The following CASK variants were observed in gnomAD, a reference collection of about 807,000 sequenced individuals.
CASK encodes the protein peripheral plasma membrane protein CASK.
Under a neutral mutation model 82.9 loss-of-function variants are expected in CASK, and 4 were observed. The ratio of observed to expected loss-of-function variants is 0.05; its 90% CI spans 0.02 to 0.11. The LOEUF (loss-of-function observed/expected upper bound fraction) is 0.11. Ranked by LOEUF, CASK falls within the 10% of genes least tolerant of loss-of-function variation. The pLI is 1.00. For missense variants in CASK, 358 were observed against 720.9 expected, an observed-to-expected ratio of 0.50 and a Z score of 5.76; for synonymous variants, 259 against 253.5, an observed-to-expected ratio of 1.02 and a Z score of -0.20.
At chrX:41,910,859 C>T (rs973278781) in intron 1 of CASK, among the ~76,000 whole-genome samples, 2 of 112,264 alleles carry the variant, frequency 1.8e-5, no homozygotes, top group African/African-American at 6.5e-5. Flanking sequence ...ATTACTTTCA[C>T]ATCCATAAGA....
rs892260288 is a variant in CASK at position 41,795,528 on chromosome X, C to T, written c.173-8245G>A. Among the ~76,000 whole-genome samples the T allele has an allele frequency of 6.4e-5, 7 of 110,226 alleles. No individual in the cohort carries two copies. In the Admixed American group the frequency reaches 6.8e-4, roughly 11 times the overall value. On this transcript the variant is annotated intron_variant, in intron 2 of 26. Coordinates refer to ENST00000378163, the MANE Select transcript of CASK (RefSeq NM_001367721.1). ...AAAAAATACAAAAATTAGCTGGGTGCGGTGACGTGTGCCTGTAGTCCCAGC... is the reference window on the plus strand; with the variant it reads ...AAAAAATACAAAAATTAGCTGGGTGTGGTGACGTGTGCCTGTAGTCCCAGC...
At chrX:41,778,685 C>G (rs1014277376) in intron 3 of CASK, among the ~76,000 whole-genome samples, 1 of 111,111 alleles carries the variant, frequency 9.0e-6, no homozygotes, top group Non-Finnish European at 1.9e-5. Context: ...ATCGGAGTGA[C>G]AATTTCAAAT....
chrX:41,867,739 G>T (rs1423604402), intron 1 of CASK, among the ~76,000 whole-genome samples: 3 of 112,076 alleles, frequency 2.7e-5, no homozygotes, highest in African/African-American at 9.7e-5. Context: ...TAATAGCAGA[G>T]AACTGAACCA....
chrX:41,662,748 G>A (rs1447246719), intron 7 of CASK, among the ~76,000 whole-genome samples: 2 of 110,874 alleles, frequency 1.8e-5, no homozygotes, highest in Admixed American at 1.9e-4. Context: ...AGCCAAGATC[G>A]TGCCACTGCA....
intron 5 of CASK, chrX:41,727,046 G>A (rs1159362833): frequency 8.6e-7 from 1 of 1,157,222 alleles, no homozygotes; most frequent in Non-Finnish European, 1.2e-6. Flanking sequence ...AATACAACAT[G>A]TATTCAACCA....
At chrX:41,627,126 A>G (rs1180370766) in intron 9 of CASK, among the ~76,000 whole-genome samples, 1 of 112,446 alleles carries the variant, frequency 8.9e-6, no homozygotes, top group African/African-American at 3.2e-5. Context: ...CATATACACC[A>G]GAATGTTATT....
intron 2 of CASK, among the ~76,000 whole-genome samples, chrX:41,824,189 A>AG (rs1181087069): frequency 5.3e-4 from 59 of 111,627 alleles, no homozygotes; most frequent in Non-Finnish European, 1.1e-4. Flanking sequence ...TCCTTAAAGG[A>AG]GGGGGAAAAA....
chrX:41,774,567 G>A (rs768493677), intron 3 of CASK, among the ~76,000 whole-genome samples: 104 of 111,070 alleles, frequency 9.4e-4, no homozygotes, highest in African/African-American at 3.2e-3. Flanking sequence ...AAAAGAGCCC[G>A]CATTGCCAAG....
At chrX:41,649,552 T>C (rs983700183) in intron 8 of CASK, among the ~76,000 whole-genome samples, 1 of 109,140 alleles carries the variant, frequency 9.2e-6, no homozygotes, top group Non-Finnish European at 1.9e-5. Flanking sequence ...AGTTTCCATG[T>C]AGTTGAGCAG....
chrX:41,921,191 T>C (rs960802262), intron 1 of CASK, among the ~76,000 whole-genome samples: 1 of 112,206 alleles, frequency 8.9e-6, no homozygotes, highest in Non-Finnish European at 1.9e-5. Context: ...TTTATGTATA[T>C]TGGGAACAAC....
At chrX:41,919,177 G>A (rs1407018101) in intron 1 of CASK, 1 of 112,278 alleles carries the variant, frequency 8.9e-6, no homozygotes, top group Non-Finnish European at 1.9e-5. Flanking sequence ...CCTGCCCTCA[G>A]GAAGCTCCTT....
rs1427071470 is a variant in CASK at position 41,516,416 on chromosome X, GA to G, written c.*4003del. 5.3e-5 allele frequency: 6 copies of G among 112,760 alleles called. No homozygotes were observed. Among genetic ancestry groups the G allele is most frequent in the African/African-American group, 1.6e-4 (5 of 31,071 alleles). 9.3% of individuals were successfully genotyped at this position (112,760 alleles called of 1,213,427 possible). ...GGAAATCTTATTTCTAAAGGAGTTA[GA>G]AAAGGAAAGGCTCTGGCAAATGAAA... On this transcript the variant is annotated 3_prime_UTR_variant, in exon 27 of 27. Transcript: ENST00000378163.
At chrX:41,563,040 CAAAAAAAAAAA>C (rs141364032) in intron 16 of CASK, among the ~76,000 whole-genome samples, 1 of 22,206 alleles carries the variant, frequency 4.5e-5, no homozygotes, top group Non-Finnish European at 7.2e-5. Context: ...GACTCCATCT[CAAAAAAAAAAA>C]AAAAAAAAAA....
intron 3 of CASK, among the ~76,000 whole-genome samples, chrX:41,753,474 CAT>C (rs1430546443): frequency 9.0e-6 from 1 of 111,658 alleles, no homozygotes; most frequent in African/African-American, 3.3e-5. Flanking sequence ...CATCATGAGA[CAT>C]GTTTTAAAAA....
At chrX:41,748,695 G>A (rs975225076) in intron 3 of CASK, 3 of 121,758 alleles carry the variant, frequency 2.5e-5, no homozygotes, top group Admixed American at 9.3e-5. Flanking sequence ...AGAGCTAGAG[G>A]ACTTTCTGGA....
At chrX:41,858,904 C>A (rs2071422897) in intron 1 of CASK, among the ~76,000 whole-genome samples, 1 of 110,652 alleles carries the variant, frequency 9.0e-6, no homozygotes, top group Non-Finnish European at 1.9e-5. Context: ...TGGGGAGGAG[C>A]ACAAAGGGCT....
chrX:41,611,318 A>G (rs2066040891), intron 11 of CASK, among the ~76,000 whole-genome samples: 1 of 106,521 alleles, frequency 9.4e-6, no homozygotes, highest in South Asian at 4.0e-4. Context: ...TATCAGTACC[A>G]CTTTTCCAGA....
intron 3 of CASK, among the ~76,000 whole-genome samples, chrX:41,749,683 G>C (rs1385206102): frequency 9.1e-6 from 1 of 110,043 alleles, no homozygotes; most frequent in African/African-American, 3.3e-5. Context: ...CACCACAACT[G>C]GCCTTCACCA....
intron 2 of CASK, among the ~76,000 whole-genome samples, chrX:41,808,673 T>C (rs916204342): frequency 8.9e-6 from 1 of 112,054 alleles, no homozygotes; most frequent in East Asian, 2.8e-4. Flanking sequence ...ATTTCTGCAT[T>C]TCCAACTGAG....
Sources: allele counts gnomAD v4.1 joint callset (sites outside exome capture counted in the v4.1 genomes callset), GRCh38; gene constraint gnomAD v4.1.1; transcripts MANE v1.5; gene names NCBI Gene and HGNC (gene_info 2026-07-23, HGNC 2026-07-21).